Variants in SLC36A1 observed in about 807,000 individuals in gnomAD.
SLC36A1 encodes the protein proton-coupled amino acid transporter 1.
A neutral mutation model predicts 47.5 loss-of-function variants in SLC36A1; 30 were observed. That is an observed-to-expected ratio of 0.63 (90% CI 0.47 to 0.86). The LOEUF (loss-of-function observed/expected upper bound fraction) is 0.86. Among genes scored for constraint, SLC36A1 ranks in the 40% least tolerant of loss-of-function variants. The pLI is 0.00. For synonymous variants in SLC36A1, 255 were observed against 249.7 expected, an observed-to-expected ratio of 1.02 and a Z score of -0.20; for missense variants, 517 against 606.0, an observed-to-expected ratio of 0.85 and a Z score of 1.54.
At chr5:151,410,130 T>C in the SLC36A1 span, among the ~76,000 whole-genome samples, 1 of 152,226 alleles carries the variant, frequency 6.6e-6, no homozygotes, top group African/African-American at 2.4e-5. Flanking sequence ...GGTGGAGCTG[T>C]AATCAGAATT....
At chr5:151,492,807 G>C (rs1200854999), downstream of SLC36A1, among the ~76,000 whole-genome samples, 1 of 152,138 alleles carries the variant, frequency 6.6e-6, no homozygotes, top group Non-Finnish European at 1.5e-5. Context: ...CAATATTGTG[G>C]GTGGGCCACA....
intron 10 of SLC36A1, among the ~76,000 whole-genome samples, chr5:151,484,651 C>T (rs140695611): frequency 3.2e-4 from 48 of 152,314 alleles, no homozygotes; most frequent in African/African-American, 9.9e-4. Context: ...TGCCCTGCAC[C>T]ACTCAGCTTG....
intron 1 of SLC36A1, among the ~76,000 whole-genome samples, chr5:151,438,716 C>T (rs1394929885): frequency 6.6e-6 from 1 of 152,154 alleles, no homozygotes; most frequent in African/African-American, 2.4e-5. Flanking sequence ...AGGTCTCTGT[C>T]ACTGCAAAAT....
the SLC36A1 span, among the ~76,000 whole-genome samples, chr5:151,407,568 T>G: frequency 6.6e-6 from 1 of 151,232 alleles, no homozygotes; most frequent in Admixed American, 6.6e-5. Flanking sequence ...ATTGGTACAT[T>G]TACAATCTTT....
chr5:151,408,169 G>A, the SLC36A1 span, among the ~76,000 whole-genome samples: 14 of 151,860 alleles, frequency 9.2e-5, no homozygotes, highest in Non-Finnish European at 1.3e-4. Flanking sequence ...TCAAGTCAGT[G>A]TTTTTTTTGT....
At chr5:151,542,660 C>A in the SLC36A1 span, 1 of 1,614,212 alleles carries the variant, frequency 6.2e-7, no homozygotes, top group Non-Finnish European at 8.5e-7. Flanking sequence ...GTGTCCTTGT[C>A]AATGGCAGTC....
At chr5:151,438,989 C>T (rs532883832) in intron 1 of SLC36A1, among the ~76,000 whole-genome samples, 4 of 152,196 alleles carry the variant, frequency 2.6e-5, no homozygotes, top group Non-Finnish European at 4.4e-5. Flanking sequence ...CTATACTACC[C>T]GAGGCTGGAT....
chr5:151,411,550 A>C, the SLC36A1 span, among the ~76,000 whole-genome samples: 2 of 144,964 alleles, frequency 1.4e-5, 1 homozygote, highest in Non-Finnish European at 3.0e-5. Flanking sequence ...GCCAGCTCAC[A>C]TTAAGAGAGA....
At chr5:151,364,896 A>G in the SLC36A1 span, among the ~76,000 whole-genome samples, 3 of 152,146 alleles carry the variant, frequency 2.0e-5, no homozygotes, top group Admixed American at 2.0e-4. Flanking sequence ...GTTCCAGGTT[A>G]GTTCATCTGG....
At chr5:151,347,433 G>C in the SLC36A1 span, 2 of 1,614,148 alleles carry the variant, frequency 1.2e-6, no homozygotes, top group Non-Finnish European at 1.7e-6. Flanking sequence ...GCTCCCTGGG[G>C]ACCCTCAGTA....
At chr5:151,349,702 G>A in the SLC36A1 span, among the ~76,000 whole-genome samples, 4 of 152,176 alleles carry the variant, frequency 2.6e-5, no homozygotes, top group Non-Finnish European at 4.4e-5. Context: ...TGGAGCAAAT[G>A]GGATGTAAAT....
chr5:151,463,144 G>A (rs1755804174), intron 2 of SLC36A1, among the ~76,000 whole-genome samples: 1 of 152,204 alleles, frequency 6.6e-6, no homozygotes, highest in African/African-American at 2.4e-5. Flanking sequence ...CAAAGTAGTG[G>A]GATTATAGGC....
chr5:151,457,573 A>G (rs1333535567), intron 1 of SLC36A1, among the ~76,000 whole-genome samples: 2 of 152,078 alleles, frequency 1.3e-5, no homozygotes, highest in East Asian at 3.9e-4. Flanking sequence ...TGTGGATGGG[A>G]GATGTTGAGA....
chr5:151,435,594 G>T (rs1429457595), upstream of SLC36A1, among the ~76,000 whole-genome samples: 2 of 152,008 alleles, frequency 1.3e-5, no homozygotes, highest in Non-Finnish European at 2.9e-5. Flanking sequence ...TATATTTTCT[G>T]CAGTGACTAA....
chr5:151,538,956 G>A, the SLC36A1 span, among the ~76,000 whole-genome samples: 2 of 152,112 alleles, frequency 1.3e-5, no homozygotes, highest in African/African-American at 2.4e-5. Flanking sequence ...AAAGTGCTTG[G>A]ATTACAGACG....
the SLC36A1 span, chr5:151,549,256 T>C: frequency 6.3e-7 from 1 of 1,591,510 alleles, no homozygotes; most frequent in Non-Finnish European, 8.6e-7. Flanking sequence ...TTCTAAAGCA[T>C]CTTGACCCAT....
chr5:151,362,172 C>CA, the SLC36A1 span, among the ~76,000 whole-genome samples: 4 of 152,106 alleles, frequency 2.6e-5, no homozygotes, highest in Non-Finnish European at 5.9e-5. Context: ...TGCTGTTGCT[C>CA]AACTACCTCT....
upstream of SLC36A1, among the ~76,000 whole-genome samples, chr5:151,436,123 G>A (rs73796579): frequency 0.033 from 4,955 of 152,082 alleles, 261 homozygotes; most frequent in African/African-American, 0.11. Context: ...TTTTTAAAGT[G>A]TAGTTTATAT....
the SLC36A1 span, among the ~76,000 whole-genome samples, chr5:151,524,225 A>T: frequency 6.6e-6 from 1 of 152,208 alleles, no homozygotes; most frequent in Non-Finnish European, 1.5e-5. Flanking sequence ...ACCAAGGCTT[A>T]TACTTAGAAG....
Sources: gnomAD v4.1 joint callset for allele counts (sites outside exome capture counted in the v4.1 genomes callset) on GRCh38, gnomAD v4.1.1 for gene constraint, MANE v1.5 for transcripts, NCBI Gene and HGNC (gene_info 2026-07-23, HGNC 2026-07-21) for gene names.